DNM1: variants seen among roughly 807,000 people sequenced by gnomAD.
DNM1 encodes the protein dynamin 1.
Under a neutral mutation model 104.6 loss-of-function variants are expected in DNM1, and 29 were observed. That is an observed-to-expected ratio of 0.28 (90% confidence interval 0.21 to 0.38). The LOEUF is 0.38. DNM1 is among the 10% of genes least tolerant of loss of function. DNM1 has a pLI of 1.00. For missense variants in DNM1, 640 were observed against 1,189.4 expected (o/e 0.54, Z 6.79); for synonymous variants, 445 against 475.8 (o/e 0.94, Z 0.84).
At chr9:128,211,679 C>T in intron 1 of DNM1, among the ~76,000 whole-genome samples, 1 of 151,994 alleles carries the variant, frequency 6.6e-6, no homozygotes, top group East Asian at 1.9e-4. Flanking sequence ...CTGGAAAGCT[C>T]TTCACCCTGC....
rs552404276 is a variant in DNM1 at position 128,254,994 on chromosome 9, A to T, written c.*280A>T. 3.0e-6 allele frequency: 1 copy of T among 334,574 alleles called. No homozygotes were observed. The highest frequency in any genetic ancestry group is 3.7e-5 in the South Asian group (1 of 26,672). 20.7% of individuals were successfully genotyped at this position (334,574 alleles called of 1,614,324 possible). On this transcript the variant is annotated 3_prime_UTR_variant, in exon 22 of 22. Coordinates refer to ENST00000372923, the MANE Select transcript of DNM1 (RefSeq NM_004408.4). This position sits in a 1 kb window ranked among gnomAD's most constrained non-coding sequence, Gnocchi z 6.1. ...TCGCCTCTAGCGCTGGGAATCAGTC[A>T]CTGTGCTATCCTTGTGGAGTCTTGT...
intron 10 of DNM1, among the ~76,000 whole-genome samples, chr9:128,232,988 G>A (rs966463621): frequency 2.0e-5 from 3 of 152,222 alleles, no homozygotes; most frequent in Non-Finnish European, 4.4e-5. Context: ...TGGGAGAGGA[G>A]TGGAGAGAGG....
At position 128,247,231 on chromosome 9, in the gene DNM1, G is replaced by C; in HGVS notation, c.1782-144G>C. The C allele has an allele frequency of 2.1e-6, 1 of 466,590 alleles. No individual in the cohort carries two copies. The highest frequency in any genetic ancestry group is 2.6e-5 in the South Asian group (1 of 37,758). The allele number at this position is 466,590 out of a possible 1,614,324, so 28.9% of individuals were successfully genotyped here. On this transcript the variant is annotated intron_variant, in intron 16 of 21. Transcript: ENST00000372923. The surrounding 1 kb of genome is among the most constrained non-coding windows in gnomAD (Gnocchi z 5.1). ...TCTTCCCAGTGAGGAAACTGAGGCT[G>C]AGAGGAAGGGACTTGCACAGGGTCA...
At position 128,222,641 on chromosome 9, in the gene DNM1, C is replaced by T. The variant is rs111989915; in HGVS notation, c.1128+45C>T. On this transcript the variant is annotated intron_variant, in intron 8 of 21. Coordinates refer to ENST00000372923, the MANE Select transcript of DNM1 (RefSeq NM_004408.4). This position sits in a 1 kb window ranked among gnomAD's most constrained non-coding sequence, Gnocchi z 7.8. ...GGACAGGATGGCTCAGGACTCCCCC[C>T]ACCCTCACTCAGGACTCTCTCTGCG... 7.1e-5 allele frequency: 114 copies of T among 1,610,684 alleles called. No individual in the cohort carries two copies. In the African/African-American group the frequency reaches 1.3e-3, roughly 19 times the overall value.
intron 1 of DNM1, among the ~76,000 whole-genome samples, chr9:128,206,850 G>A (rs1310407077): frequency 1.3e-5 from 2 of 152,060 alleles, no homozygotes; most frequent in African/African-American, 4.8e-5. Context: ...AAGCTTTTTA[G>A]TAGTGGAGTG....
chr9:128,238,742 G>A (rs1836171613), intron 11 of DNM1, among the ~76,000 whole-genome samples: 1 of 147,912 alleles, frequency 6.8e-6, no homozygotes, highest in African/African-American at 2.5e-5. Context: ...TGCAAGCTCC[G>A]CCTCCTGGGC....
Position 128,207,324 on chromosome 9 carries a change from A to G in DNM1, c.161+3693A>G, listed in dbSNP as rs899335192. ...AAATTTGGAAGTCGTTGGTGTAGAGATGGGATTTAAACCCGAGAGTAGATG... is the reference window on the plus strand; with the variant it reads ...AAATTTGGAAGTCGTTGGTGTAGAGGTGGGATTTAAACCCGAGAGTAGATG... On this transcript the variant is annotated intron_variant, in intron 1 of 21. Transcript: ENST00000372923. Among the ~76,000 whole-genome samples, 11 of 151,850 alleles carry G rather than the reference A, an allele frequency of 7.2e-5. No homozygotes were observed. In the East Asian group the frequency reaches 1.5e-3, roughly 21 times the overall value.
At position 128,240,132 on chromosome 9, in the gene DNM1, C is replaced by A; in HGVS notation, c.1557+136C>A. On this transcript the variant is annotated intron_variant, in intron 14 of 21. Transcript: ENST00000372923. This position sits in a 1 kb window ranked among gnomAD's most constrained non-coding sequence, Gnocchi z 5.1. ...ACACACCAGCCCCTGGCATTTCACA[C>A]CTGCCCTCAGGCCAGAGGCAGGCCC... The A allele has an allele frequency of 1.9e-6, 2 of 1,059,718 alleles. No individual in the cohort carries two copies. The highest frequency in any genetic ancestry group is 1.3e-5 in the South Asian group (1 of 77,240). The allele number at this position is 1,059,718 out of a possible 1,614,324, so 65.6% of individuals were successfully genotyped here.
chr9:128,246,575 G>A, intron 16 of DNM1, 72 bp downstream of exon 16: 1 of 1,172,606 alleles, frequency 8.5e-7, no homozygotes, highest in Non-Finnish European at 1.3e-6. Flanking sequence ...CTGGGTACAG[G>A]GATCCAGGGA....
At chr9:128,232,911 T>C (rs943298699) in intron 10 of DNM1, among the ~76,000 whole-genome samples, 5 of 152,210 alleles carry the variant, frequency 3.3e-5, no homozygotes, top group African/African-American at 1.2e-4. Context: ...GCACTGGCCA[T>C]GGGCCTGGCC....
chr9:128,207,720 C>T (rs1834052294), intron 1 of DNM1, among the ~76,000 whole-genome samples: 1 of 152,188 alleles, frequency 6.6e-6, no homozygotes, highest in Non-Finnish European at 1.5e-5. Context: ...AATAGCACAT[C>T]CCTTGTGAGA....
intron 21 of DNM1, chr9:128,251,607 A>T (rs2016235): frequency 0.33 from 50,974 of 152,236 alleles, 12,143 homozygotes; most frequent in African/African-American, 0.67. Context: ...CCGTGGGCAA[A>T]CTGATGGCTT....
intron 21 of DNM1, chr9:128,252,407 G>A: frequency 2.5e-6 from 1 of 397,918 alleles, no homozygotes; most frequent in South Asian, 1.9e-5. Context: ...CTTCTTCAAG[G>A]CAACCTGACT....
chr9:128,223,505 C>G (rs764477284), intron 9 of DNM1: 1 of 152,366 alleles, frequency 6.6e-6, no homozygotes, highest in East Asian at 1.9e-4. Context: ...TCCCCTTGCT[C>G]TCATGCAGGT....
chr9:128,253,032 G>A lies in DNM1; in HGVS notation c.2535-1622G>A. The A allele has an allele frequency of 6.6e-7, 1 of 1,515,366 alleles. No homozygotes were observed. The highest frequency in any genetic ancestry group is 9.1e-7 in the Non-Finnish European group (1 of 1,094,302). The allele number at this position is 1,515,366 out of a possible 1,614,324, so 93.9% of individuals were successfully genotyped here. On this transcript the variant is annotated intron_variant, in intron 21 of 21. Transcript: ENST00000372923. The surrounding 1 kb of genome is among the most constrained non-coding windows in gnomAD (Gnocchi z 5.9). Reference sequence around the variant, plus strand: ...CACGCCCGGGCGTGTGCGTGTGTGTGTCCCCCACCCCCAGGCCGGCCCCAC... The same window carrying A: ...CACGCCCGGGCGTGTGCGTGTGTGTATCCCCCACCCCCAGGCCGGCCCCAC...
chr9:128,250,390 C>T, intron 20 of DNM1, 34 bp downstream of exon 20: 1 of 1,535,458 alleles, frequency 6.5e-7, no homozygotes, highest in South Asian at 1.2e-5. Context: ...CCCAAAGCCC[C>T]CCAGCCCGGG....
rs777769513 is a variant in DNM1 at position 128,253,717 on chromosome 9, A to G, written c.2535-937A>G. 1.3e-5 allele frequency: 4 copies of G among 305,676 alleles called. No homozygotes were observed. The highest frequency in any genetic ancestry group is 2.2e-5 in the African/African-American group (1 of 46,146). 18.9% of individuals were successfully genotyped at this position (305,676 alleles called of 1,614,324 possible). The stretch of plus-strand genomic sequence containing the variant: ...GGGTAAAAGCTTGAGAGTCCCATAC[A>G]CACGGTCATCCCACGACATACCTCA... On this transcript the variant is annotated intron_variant, in intron 21 of 21. Coordinates refer to ENST00000372923, the MANE Select transcript of DNM1 (RefSeq NM_004408.4). The surrounding 1 kb of genome is among the most constrained non-coding windows in gnomAD (Gnocchi z 5.9).
intron 11 of DNM1, among the ~76,000 whole-genome samples, chr9:128,235,348 G>A (rs775993373): frequency 2.0e-5 from 3 of 152,054 alleles, no homozygotes; most frequent in Non-Finnish European, 4.4e-5. Context: ...ACAAAATTTA[G>A]CCGGACTTGG....
chr9:128,248,776 G>C lies in DNM1; in HGVS notation c.2076+23G>C, dbSNP rs763076957. 2 of 1,602,492 alleles carry C rather than the reference G, an allele frequency of 1.2e-6. No individual in the cohort carries two copies. The highest frequency in any genetic ancestry group is 1.7e-5 in the Admixed American group (1 of 59,810). On this transcript the variant is annotated intron_variant, in intron 19 of 21. Coordinates refer to ENST00000372923, the MANE Select transcript of DNM1 (RefSeq NM_004408.4). The surrounding 1 kb of genome is among the most constrained non-coding windows in gnomAD (Gnocchi z 5.6). The stretch of plus-strand genomic sequence containing the variant: ...AATGTGCGTGCTCCACTGCATGGGG[G>C]CAGGGAAATCCTGTGGCACTGGGGA...
Sources: gnomAD v4.1 joint callset for allele counts (sites outside exome capture counted in the v4.1 genomes callset) on GRCh38, gnomAD v4.1.1 for gene constraint, Gnocchi (gnomAD v3.1) non-coding constraint, MANE v1.5 for transcripts, NCBI Gene and HGNC (gene_info 2026-07-23, HGNC 2026-07-21) for gene names.